The following MYT1L variants were observed in gnomAD, a reference collection of about 807,000 sequenced individuals.
MYT1L encodes the protein myelin transcription factor 1 like, also known as myelin transcription factor 1-like protein.
A neutral mutation model predicts 126.7 loss-of-function variants in MYT1L; 12 were observed. The observed-to-expected ratio is 0.09, with a 90% CI of 0.06 to 0.15. The LOEUF (loss-of-function observed/expected upper bound fraction) is 0.15. Among genes scored for constraint, MYT1L ranks in the 10% least tolerant of loss-of-function variants. The pLI is 1.00. For synonymous variants in MYT1L, 541 were observed against 604.2 expected (o/e 0.90, Z 1.53); for missense variants, 979 against 1,585.2 (o/e 0.62, Z 6.49).
intron 22 of MYT1L, among the ~76,000 whole-genome samples, chr2:1,802,224 G>T (rs1230329974): frequency 6.6e-6 from 1 of 152,160 alleles, no homozygotes; most frequent in African/African-American, 2.4e-5. Context: ...TTGGAGCCAG[G>T]CTCTGCAGGT....
intron 2 of MYT1L, among the ~76,000 whole-genome samples, chr2:2,252,557 C>A (rs969737836): frequency 2.6e-5 from 4 of 152,190 alleles, no homozygotes; most frequent in African/African-American, 9.7e-5. Context: ...TATTTTAATT[C>A]TATAACAGAT....
At chr2:2,219,173 T>C (rs2093779931) in intron 2 of MYT1L, among the ~76,000 whole-genome samples, 1 of 152,194 alleles carries the variant, frequency 6.6e-6, no homozygotes, top group Non-Finnish European at 1.5e-5. Context: ...TTTTGCCATG[T>C]TTCTTTGCAT....
At chr2:1,985,753 G>T (rs1179262096) in intron 5 of MYT1L, among the ~76,000 whole-genome samples, 1 of 152,204 alleles carries the variant, frequency 6.6e-6, no homozygotes, top group Non-Finnish European at 1.5e-5. Flanking sequence ...ATGATGACAG[G>T]TTGCAATAAA....
intron 8 of MYT1L, among the ~76,000 whole-genome samples, chr2:1,977,767 T>G (rs1041668003): frequency 1.3e-5 from 2 of 152,196 alleles, no homozygotes; most frequent in Admixed American, 1.3e-4. Context: ...AATGAAGAGA[T>G]GATTAGGGGA....
chr2:1,969,685 G>C, intron 8 of MYT1L, among the ~76,000 whole-genome samples: 1 of 152,196 alleles, frequency 6.6e-6, no homozygotes, highest in Non-Finnish European at 1.5e-5. Context: ...CTGGTTGTTG[G>C]TATCTCTGTA....
intron 22 of MYT1L, among the ~76,000 whole-genome samples, chr2:1,804,114 TTTG>T (rs1437508734): frequency 1.3e-5 from 2 of 152,082 alleles, no homozygotes; most frequent in African/African-American, 4.8e-5. Flanking sequence ...CTAGGGTTTT[TTTG>T]TTGTTGTTGT....
rs147674685 is a variant in MYT1L at position 2,067,314 on chromosome 2, T to C, written c.-303-13191A>G. Among the ~76,000 whole-genome samples the C allele has an allele frequency of 2.7e-3, 411 of 152,286 alleles. 1 individual carries two copies. Among genetic ancestry groups the C allele is most frequent in the Middle Eastern group, 0.01 (3 of 292 alleles). On this transcript the variant is annotated intron_variant, in intron 3 of 24. Coordinates refer to ENST00000647738, the MANE Select transcript of MYT1L (RefSeq NM_001303052.2). ...AGGAGACTTCGGAATAGAGAAAGTA[T>C]GCCACAAGATTAAAAATACATATAT...
chr2:2,018,574 C>A (rs1257276548), intron 4 of MYT1L, among the ~76,000 whole-genome samples: 1 of 152,192 alleles, frequency 6.6e-6, no homozygotes, highest in South Asian at 2.1e-4. Context: ...GGCCGCTCAT[C>A]GGATTCAGCC....
chr2:2,076,199 T>C (rs1244101147), intron 3 of MYT1L, among the ~76,000 whole-genome samples: 2 of 151,968 alleles, frequency 1.3e-5, no homozygotes, highest in Non-Finnish European at 2.9e-5. Flanking sequence ...CAGAGAACTT[T>C]GGAAAACTCT....
At chr2:2,084,144 G>T (rs1418002753) in intron 3 of MYT1L, among the ~76,000 whole-genome samples, 2 of 150,328 alleles carry the variant, frequency 1.3e-5, no homozygotes, top group Non-Finnish European at 2.9e-5. Context: ...AGACTGAGAG[G>T]GCTACTAAGG....
At chr2:2,287,754 A>G (rs778144496) in intron 1 of MYT1L, among the ~76,000 whole-genome samples, 25 of 152,368 alleles carry the variant, frequency 1.6e-4, no homozygotes, top group Non-Finnish European at 3.4e-4. Flanking sequence ...TCTTTTAAAC[A>G]AAGTTGTAGT....
intron 13 of MYT1L, among the ~76,000 whole-genome samples, chr2:1,903,705 G>T (rs2050642994): frequency 1.3e-5 from 2 of 152,138 alleles, no homozygotes; most frequent in African/African-American, 2.4e-5. Context: ...CCCTTAAAAA[G>T]TAAGATGAGG....
At chr2:2,000,501 G>A (rs779045554) in intron 4 of MYT1L, among the ~76,000 whole-genome samples, 4 of 152,076 alleles carry the variant, frequency 2.6e-5, no homozygotes, top group South Asian at 2.1e-4. Context: ...CCTGAGTGAC[G>A]GGCACTTCTC....
chr2:2,292,112 C>A (rs1367069288), intron 1 of MYT1L, among the ~76,000 whole-genome samples: 1 of 152,176 alleles, frequency 6.6e-6, no homozygotes, highest in Non-Finnish European at 1.5e-5. Context: ...AGGAATCTTC[C>A]CAGGCAAAAG....
intron 2 of MYT1L, among the ~76,000 whole-genome samples, chr2:2,263,698 A>T (rs1398735412): frequency 6.6e-6 from 1 of 152,060 alleles, no homozygotes; most frequent in Non-Finnish European, 1.5e-5. Flanking sequence ...TCATCCTGAT[A>T]TGACTTTGGC....
intron 21 of MYT1L, among the ~76,000 whole-genome samples, chr2:1,834,432 T>G (rs538316460): frequency 2.6e-5 from 4 of 152,340 alleles, no homozygotes; most frequent in African/African-American, 9.6e-5. Flanking sequence ...ATTCTGCCTA[T>G]CTATTAAAAT....
At position 1,801,691 on chromosome 2, in the gene MYT1L, G is replaced by A; in HGVS notation, c.3276+5C>T. 3 of 1,592,780 alleles carry A rather than the reference G, an allele frequency of 1.9e-6. No individual in the cohort carries two copies. The highest frequency in any genetic ancestry group is 2.6e-6 in the Non-Finnish European group (3 of 1,165,118). Reference sequence around the variant, plus strand: ...GCTAAAATTGAGGGCTTCAAAAACTGTTACCTGAGTTCTGAGTTTAATCAT... The same window carrying A: ...GCTAAAATTGAGGGCTTCAAAAACTATTACCTGAGTTCTGAGTTTAATCAT... On this transcript the variant is annotated splice_donor_5th_base_variant and intron_variant, in intron 23 of 24. Transcript: ENST00000647738. This position sits in a 1 kb window ranked among gnomAD's most constrained non-coding sequence, Gnocchi z 4.2.
chr2:1,892,286 C>CGCT lies in MYT1L; in HGVS notation c.2033-2_2033dup (p.Ala678dup). On this transcript the variant is annotated inframe_insertion and splice_region_variant, in exon 15 of 25. Transcript: ENST00000647738. ...GGCTGGGGTCCTTGCAGTACCGCTT[C>CGCT]GCTGGGGAGACAGGGACAGGGATGA... 6.5e-7 allele frequency: 1 copy of CGCT among 1,547,844 alleles called. No individual in the cohort carries two copies. Among genetic ancestry groups the CGCT allele is most frequent in the Non-Finnish European group, 8.7e-7 (1 of 1,145,836 alleles).
At chr2:1,898,423 A>G (rs1012821568) in intron 14 of MYT1L, among the ~76,000 whole-genome samples, 7 of 152,236 alleles carry the variant, frequency 4.6e-5, no homozygotes, top group African/African-American at 1.7e-4. Flanking sequence ...GTGGGATGAC[A>G]TCTCCAAGGC....
Sources: allele counts gnomAD v4.1 joint callset (sites outside exome capture counted in the v4.1 genomes callset), GRCh38; gene constraint gnomAD v4.1.1; non-coding constraint Gnocchi (gnomAD v3.1); transcripts MANE v1.5; gene names NCBI Gene and HGNC (gene_info 2026-07-23, HGNC 2026-07-21).